HTR4: variants seen among roughly 807,000 people sequenced by gnomAD.
HTR4 encodes 5-hydroxytryptamine receptor 4, also known as 5-hydroxytryptamine (serotonin) receptor 4, G protein-coupled.
Under a neutral mutation model 36.8 loss-of-function variants are expected in HTR4, and 16 were observed. The observed-to-expected ratio is 0.43, with a 90% CI of 0.29 to 0.66. HTR4 has a LOEUF of 0.66. Ranked by LOEUF, HTR4 falls within the 30% of genes least tolerant of loss-of-function variation. HTR4 has a pLI of 0.13. For synonymous variants in HTR4, 189 were observed against 185.1 expected (o/e 1.02, Z -0.17); for missense variants, 438 against 490.9 (o/e 0.89, Z 1.02).
At chr5:148,548,166 A>G (rs79388705) in intron 4 of HTR4, among the ~76,000 whole-genome samples, 1,994 of 152,322 alleles carry the variant, frequency 0.013, 41 homozygotes, top group African/African-American at 0.046. Context: ...TGGGAAGTTT[A>G]CTGTAACTTT....
chr5:148,614,675 A>T (rs1327833807), intron 2 of HTR4, among the ~76,000 whole-genome samples: 1 of 152,152 alleles, frequency 6.6e-6, no homozygotes, highest in Non-Finnish European at 1.5e-5. Flanking sequence ...GACAAAATTG[A>T]CAAATGGGAT....
At chr5:148,459,310 A>T (rs1049898676) in intron 5 of HTR4, among the ~76,000 whole-genome samples, 5 of 152,216 alleles carry the variant, frequency 3.3e-5, no homozygotes, top group African/African-American at 1.2e-4. Context: ...ATTTCACTGT[A>T]AATATCTGAG....
chr5:148,461,353 C>T (rs1414221736), intron 5 of HTR4, among the ~76,000 whole-genome samples: 2 of 151,880 alleles, frequency 1.3e-5, no homozygotes, highest in Non-Finnish European at 2.9e-5. Context: ...TAAGACCAAA[C>T]TATATGTTGT....
chr5:148,509,777 C>T lies in HTR4; in HGVS notation c.755G>A (p.Arg252Lys), dbSNP rs761072687. The T allele has an allele frequency of 5.0e-6, 8 of 1,614,032 alleles. No homozygotes were observed. Among genetic ancestry groups the T allele is most frequent in the East Asian group, 2.2e-5 (1 of 44,844 alleles). Residue 252 changes from arginine (R) to lysine (K), a missense_variant, in exon 6 of 7, where the codon AGG (arginine) becomes AAG (lysine). Transcript: ENST00000377888. ...SADQHSTHRM[R>K]TETKAAKTLC... is the part of the protein sequence containing the mutation. ...GGTCTTGGCTGCTTTGGTCTCTGTC[C>T]TCATGCGATGAGTGCTATGCTGGTC...
chr5:148,550,123 C>A lies in HTR4; in HGVS notation c.152+14G>T. 6.2e-7 allele frequency: 1 copy of A among 1,613,892 alleles called. No homozygotes were observed. Among genetic ancestry groups the A allele is most frequent in the South Asian group, 1.1e-5 (1 of 91,042 alleles). On this transcript the variant is annotated intron_variant, in intron 3 of 6. Transcript: ENST00000377888. ...CTCCCATGTTTCCTCAAAAGGTTCC[C>A]TCCTGCTGCTCACCTGAGCTGCCTG...
At chr5:148,550,287 G>T (rs1381273011) in intron 2 of HTR4, 25 bp from the exon 3 acceptor site, 5 of 1,611,802 alleles carry the variant, frequency 3.1e-6, no homozygotes, top group African/African-American at 2.7e-5. Flanking sequence ...CAAGCACAAA[G>T]AATTGAATGA....
chr5:148,591,046 T>C (rs1761546968), intron 2 of HTR4, among the ~76,000 whole-genome samples: 1 of 152,230 alleles, frequency 6.6e-6, no homozygotes, highest in African/African-American at 2.4e-5. Context: ...CTTCTGCGTA[T>C]GGCTAGCCAG....
Position 148,482,897 on chromosome 5 carries a change from T to G in HTR4, c.*306A>C. 7.9e-7 allele frequency: 1 copy of G among 1,271,574 alleles called. No individual in the cohort carries two copies. Among genetic ancestry groups the G allele is most frequent in the South Asian group, 1.8e-5 (1 of 55,206 alleles). The allele number at this position is 1,271,574 out of a possible 1,614,324, so 78.8% of individuals were successfully genotyped here. A position where few individuals can be genotyped will look rare whatever the true frequency, so the allele number is the denominator to read the frequency against. ...GTGCTTAGAACGTGAGTGAGACAGA[T>G]CAGACACAGTGAGTGACGGGAACAT... On this transcript the variant is annotated 3_prime_UTR_variant, in exon 7 of 7. Transcript: ENST00000377888.
intron 4 of HTR4, among the ~76,000 whole-genome samples, chr5:148,529,724 A>G (rs1327116467): frequency 6.6e-6 from 1 of 152,228 alleles, no homozygotes; most frequent in African/African-American, 2.4e-5. Context: ...AGGTTGGAAT[A>G]GTATGGAGGA....
In HTR4 at chr5:148,527,522, G is replaced by A. The variant is rs574863593; in HGVS notation, c.354-4176C>T. Among the ~76,000 whole-genome samples, 20 of 152,282 alleles carry A rather than the reference G, an allele frequency of 1.3e-4. No homozygotes were observed. In the East Asian group the frequency reaches 3.3e-3, roughly 25 times the overall value. ...GCCTTACCCTAGATTTCTAGGAGCT[G>A]CTGCTATATAGAATTAAATAGTGGT... is the stretch of plus-strand genomic sequence containing the variant. On this transcript the variant is annotated intron_variant, in intron 4 of 6. Transcript: ENST00000377888.
chr5:148,467,549 A>G (rs1172329733), intron 5 of HTR4, among the ~76,000 whole-genome samples: 1 of 152,226 alleles, frequency 6.6e-6, no homozygotes, highest in Non-Finnish European at 1.5e-5. Context: ...ACTTGTTTCC[A>G]CCACAACATG....
At chr5:148,507,290 C>T (rs927250907) in intron 6 of HTR4, among the ~76,000 whole-genome samples, 6 of 146,896 alleles carry the variant, frequency 4.1e-5, no homozygotes, top group East Asian at 2.0e-4. Context: ...AACCAAACGC[C>T]GCATATTCTC....
At chr5:148,583,193 C>G (rs1178894913) in intron 2 of HTR4, among the ~76,000 whole-genome samples, 2 of 149,990 alleles carry the variant, frequency 1.3e-5, no homozygotes, top group Non-Finnish European at 3.0e-5. Flanking sequence ...TTGAGATAAT[C>G]ATGTGGTTTT....
At chr5:148,467,369 A>G (rs190919074) in intron 5 of HTR4, among the ~76,000 whole-genome samples, 4 of 152,326 alleles carry the variant, frequency 2.6e-5, no homozygotes, top group Admixed American at 2.6e-4. Context: ...TCAGGTAACA[A>G]TGGTGGGTTT....
intron 2 of HTR4, among the ~76,000 whole-genome samples, chr5:148,551,025 A>G (rs1158689817): frequency 1.3e-5 from 2 of 151,864 alleles, no homozygotes; most frequent in African/African-American, 2.4e-5. Context: ...TCAACTTACA[A>G]TGAAGCCTTT....
At chr5:148,507,979 A>T (rs1757305024) in intron 6 of HTR4, among the ~76,000 whole-genome samples, 1 of 152,186 alleles carries the variant, frequency 6.6e-6, no homozygotes, top group African/African-American at 2.4e-5. Context: ...GTCGGTTTCT[A>T]GGAGTATCCT....
intron 5 of HTR4, among the ~76,000 whole-genome samples, chr5:148,460,854 A>G (rs1755259900): frequency 1.3e-5 from 2 of 152,128 alleles, no homozygotes; most frequent in Admixed American, 1.3e-4. Context: ...CAATGGAGTT[A>G]CATCCTGATA....
At chr5:148,460,823 T>C (rs1302343348) in intron 5 of HTR4, among the ~76,000 whole-genome samples, 1 of 152,114 alleles carries the variant, frequency 6.6e-6, no homozygotes, top group Non-Finnish European at 1.5e-5. Flanking sequence ...ATGTATTAAT[T>C]ATGCATGCTT....
chr5:148,462,950 G>A (rs1489770330), intron 5 of HTR4, among the ~76,000 whole-genome samples: 1 of 151,898 alleles, frequency 6.6e-6, no homozygotes, highest in African/African-American at 2.4e-5. Flanking sequence ...ATTTGACAAA[G>A]TGTAACCTCA....
Sources: gnomAD v4.1 joint callset for allele counts (sites outside exome capture counted in the v4.1 genomes callset) on GRCh38, gnomAD v4.1.1 for gene constraint, MANE v1.5 for transcripts, NCBI Gene and HGNC (gene_info 2026-07-23, HGNC 2026-07-21) for gene names.